Variants in GJC2 observed in about 807,000 individuals in gnomAD.
GJC2 encodes gap junction protein gamma 2.
For missense variants in GJC2, 647 were observed against 648.9 expected (o/e 1.00, Z 0.03); for synonymous variants, 336 against 307.5 (o/e 1.09, Z -0.97).
rs1043922910 is a variant in GJC2, at chr1:228,150,655, C to T, written c.-20+648C>T. On this transcript the variant is annotated intron_variant, in intron 1 of 1. Coordinates refer to ENST00000366714, the MANE Select transcript of GJC2 (RefSeq NM_020435.4). The surrounding 1 kb of genome is among the most constrained non-coding windows in gnomAD (Gnocchi z 4.6). The stretch of plus-strand genomic sequence containing the variant: ...GGCCCTCAGTGCAAGGAAGGGGCGG[C>T]GTGGCTGAGGAGGGGGAGGCCCACA... Among the ~76,000 whole-genome samples, 6 of 152,032 alleles carry T rather than the reference C, an allele frequency of 3.9e-5. No individual in the cohort carries two copies. In the South Asian group the frequency reaches 1.0e-3, roughly 26 times the overall value.
chr1:228,151,390 G>T lies in GJC2; in HGVS notation c.-20+1383G>T, dbSNP rs1020323193. Reference sequence around the variant, plus strand: ...TCAGGAGCTGTGGCAGGCCATGTAAGGGGAGCCACCATGTGGGCAGGCACT... The same window carrying T: ...TCAGGAGCTGTGGCAGGCCATGTAATGGGAGCCACCATGTGGGCAGGCACT... On this transcript the variant is annotated intron_variant, in intron 1 of 1. Coordinates refer to ENST00000366714, the MANE Select transcript of GJC2 (RefSeq NM_020435.4). The surrounding 1 kb of genome is among the most constrained non-coding windows in gnomAD (Gnocchi z 5.4). Among the ~76,000 whole-genome samples, 10 of 152,052 alleles carry T rather than the reference G, an allele frequency of 6.6e-5. No homozygotes were observed. The highest frequency in any genetic ancestry group is 4.1e-4 in the South Asian group (2 of 4,826).
rs1324227613 is a variant in GJC2, at chr1:228,151,599, G to T, written c.-20+1592G>T. 2.6e-5 allele frequency among the ~76,000 whole-genome samples: 4 copies of T among 152,078 alleles called. No individual in the cohort carries two copies. Among genetic ancestry groups the T allele is most frequent in the South Asian group, 4.1e-4 (2 of 4,822 alleles). The stretch of plus-strand genomic sequence containing the variant: ...GTGGCAGTGTGCACTGCTTGTGTGT[G>T]GGGGGGTGGAGGGAGGAGCGTGCCC... On this transcript the variant is annotated intron_variant, in intron 1 of 1. Transcript: ENST00000366714. This position sits in a 1 kb window ranked among gnomAD's most constrained non-coding sequence, Gnocchi z 5.4.
rs1553262430 is a variant in GJC2, at chr1:228,157,841, T to C, written c.83T>C (p.Leu28Pro). ...NHSTFVGKVWLTVLVVFRIVL... is the reference protein window; with the variant it reads ...NHSTFVGKVWPTVLVVFRIVL... ...TCCACCTTCGTGGGCAAGGTGTGGC[T>C]CACGGTGCTGGTGGTCTTCCGCATC... The change falls in exon 2 of 2, where the codon CTC (leucine) becomes CCC (proline). Residue 28 changes from leucine to proline, a missense_variant. Coordinates refer to ENST00000366714, the MANE Select transcript of GJC2 (RefSeq NM_020435.4). 1 of 1,597,354 alleles carries C rather than the reference T, an allele frequency of 6.3e-7. No homozygotes were observed. Among genetic ancestry groups the C allele is most frequent in the Non-Finnish European group, 8.5e-7 (1 of 1,172,242 alleles).
At position 228,158,467 on chromosome 1, in the gene GJC2, T is replaced by G. The variant is rs2034719630; in HGVS notation, c.709T>G (p.Phe237Val). 6.2e-7 allele frequency: 1 copy of G among 1,611,734 alleles called. No homozygotes were observed. Among genetic ancestry groups the G allele is most frequent in the Non-Finnish European group, 8.5e-7 (1 of 1,179,582 alleles). Reference protein sequence around the residue: ...FLVGQYLLYGFEVRPFFPCSR... With the variant: ...FLVGQYLLYGVEVRPFFPCSR... ...GGTGGGCCAGTACCTGCTGTACGGC[T>G]TCGAGGTGCGACCGTTCTTTCCCTG... Residue 237 changes from phenylalanine (F) to valine (V), a missense_variant, in exon 2 of 2, where the codon TTC becomes GTC. Transcript: ENST00000366714. The surrounding 1 kb of genome is among the most constrained non-coding windows in gnomAD (Gnocchi z 8.3).
intron 1 of GJC2, 148 bp from the exon 2 acceptor site, chr1:228,157,592 C>A (rs1321796061): frequency 3.3e-6 from 2 of 606,900 alleles, no homozygotes; most frequent in East Asian, 5.5e-5. Flanking sequence ...CAGGTGGGGG[C>A]TTCCACTTCC....
chr1:228,152,077 A>T lies in GJC2; in HGVS notation c.-20+2070A>T, dbSNP rs1044970708. On this transcript the variant is annotated intron_variant, in intron 1 of 1. Coordinates refer to ENST00000366714, the MANE Select transcript of GJC2 (RefSeq NM_020435.4). The surrounding 1 kb of genome is among the most constrained non-coding windows in gnomAD (Gnocchi z 7.3). ...AGGGCCCTGCAGTGGAGTGCAGGGG[A>T]AGGAGGGGACTGTGCCTGCAGGAGC... 1.3e-5 allele frequency among the ~76,000 whole-genome samples: 2 copies of T among 151,956 alleles called. No individual in the cohort carries two copies. The highest frequency in any genetic ancestry group is 4.8e-5 in the African/African-American group (2 of 41,352).
Position 228,159,169 on chromosome 1 carries a change from G to A in GJC2, c.*91G>A. 1 of 1,457,472 alleles carries A rather than the reference G, an allele frequency of 6.9e-7. No homozygotes were observed. Among genetic ancestry groups the A allele is most frequent in the Non-Finnish European group, 9.4e-7 (1 of 1,058,298 alleles). The allele number at this position is 1,457,472 out of a possible 1,614,324, so 90.3% of individuals were successfully genotyped here. ...CCCCTTCTCCTCAGCCTTCTCCTTAGCCGGTGGCCTCAGGCAGACTCTGCC... is the reference window on the plus strand; with the variant it reads ...CCCCTTCTCCTCAGCCTTCTCCTTAACCGGTGGCCTCAGGCAGACTCTGCC... On this transcript the variant is annotated 3_prime_UTR_variant, in exon 2 of 2. Transcript: ENST00000366714. This position sits in a 1 kb window ranked among gnomAD's most constrained non-coding sequence, Gnocchi z 4.0.
Position 228,158,235 on chromosome 1 carries a change from G to C in GJC2, c.477G>C (p.Thr159=), listed in dbSNP as rs780785721. 2.0e-6 allele frequency: 3 copies of C among 1,506,704 alleles called. No homozygotes were observed. The highest frequency in any genetic ancestry group is 2.5e-5 in the East Asian group (1 of 40,206). 93.3% of individuals were successfully genotyped at this position (1,506,704 alleles called of 1,614,324 possible). A position where few individuals can be genotyped will look rare whatever the true frequency, so the allele number is the denominator to read the frequency against. The change falls in exon 2 of 2, where the codon ACG becomes ACC. Residue 159 remains threonine (T), a synonymous_variant. Coordinates refer to ENST00000366714, the MANE Select transcript of GJC2 (RefSeq NM_020435.4). The surrounding 1 kb of genome is among the most constrained non-coding windows in gnomAD (Gnocchi z 8.3). The part of the protein sequence containing the change: ...GLGEEEEEEE[T]GAAEGAGEEA... ...GCGAGGAGGAGGAGGAGGAGGAGACGGGGGCAGCCGAGGGCGCCGGCGAGG... is the reference window on the plus strand; with the variant it reads ...GCGAGGAGGAGGAGGAGGAGGAGACCGGGGCAGCCGAGGGCGCCGGCGAGG...
In GJC2 at chr1:228,158,517, G is replaced by T; in HGVS notation, c.759G>T (p.Val253=). 6.2e-7 allele frequency: 1 copy of T among 1,612,924 alleles called. No homozygotes were observed. The highest frequency in any genetic ancestry group is 8.5e-7 in the Non-Finnish European group (1 of 1,179,658). ...FPCSRQPCPH[V]VDCFVSRPTE... Reference sequence around the variant, plus strand: ...GCAGCCGCCAGCCCTGCCCGCACGTGGTGGACTGCTTCGTGTCGCGCCCTA... The same window carrying T: ...GCAGCCGCCAGCCCTGCCCGCACGTTGTGGACTGCTTCGTGTCGCGCCCTA... Residue 253 remains valine (V), a synonymous_variant, in exon 2 of 2, where the codon GTG becomes GTT. Transcript: ENST00000366714. The surrounding 1 kb of genome is among the most constrained non-coding windows in gnomAD (Gnocchi z 8.3).
At position 228,158,642 on chromosome 1, in the gene GJC2, A is replaced by C; in HGVS notation, c.884A>C (p.Gln295Pro). 6.2e-7 allele frequency: 1 copy of C among 1,602,286 alleles called. No individual in the cohort carries two copies. Among genetic ancestry groups the C allele is most frequent in the Non-Finnish European group, 8.5e-7 (1 of 1,175,354 alleles). ...GCCCACCTGGGCTTGGGCAGCGCGC[A>C]GGACGCGGTGCGCGGCCGCCGCGGC... ...EMAHLGLGSAQDAVRGRRGPP... is the reference protein window; with the variant it reads ...EMAHLGLGSAPDAVRGRRGPP... Residue 295 changes from glutamine (Q) to proline (P), a missense_variant, in exon 2 of 2, where the codon CAG becomes CCG. Transcript: ENST00000366714. This position sits in a 1 kb window ranked among gnomAD's most constrained non-coding sequence, Gnocchi z 8.3.
chr1:228,153,656 C>A (rs1465887313), intron 1 of GJC2, among the ~76,000 whole-genome samples: 4 of 147,416 alleles, frequency 2.7e-5, no homozygotes, highest in Non-Finnish European at 5.9e-5. Flanking sequence ...AATCTCGGCT[C>A]ACTGCAACCT....
intron 1 of GJC2, among the ~76,000 whole-genome samples, chr1:228,155,171 CTG>C (rs1251068892): frequency 6.6e-6 from 1 of 152,182 alleles, no homozygotes; most frequent in East Asian, 1.9e-4. Flanking sequence ...AGGGCTGAAC[CTG>C]TGTGTGTGCG....
At position 228,151,500 on chromosome 1, in the gene GJC2, G is replaced by C. The variant is rs1464648388; in HGVS notation, c.-20+1493G>C. ...ACGTGGTGAGGTTGAGTCTGAATAG[G>C]GAGGGTTCATGGCTATGTGTGAGAG... is the stretch of plus-strand genomic sequence containing the variant. On this transcript the variant is annotated intron_variant, in intron 1 of 1. Coordinates refer to ENST00000366714, the MANE Select transcript of GJC2 (RefSeq NM_020435.4). This position sits in a 1 kb window ranked among gnomAD's most constrained non-coding sequence, Gnocchi z 5.4. Among the ~76,000 whole-genome samples, 5 of 152,120 alleles carry C rather than the reference G, an allele frequency of 3.3e-5. No homozygotes were observed.
chr1:228,153,718 G>A (rs2034647617), intron 1 of GJC2, among the ~76,000 whole-genome samples: 1 of 151,374 alleles, frequency 6.6e-6, no homozygotes, highest in Non-Finnish European at 1.5e-5. Context: ...GAGTAGCTGG[G>A]ACTACAGGCA....
intron 1 of GJC2, among the ~76,000 whole-genome samples, chr1:228,156,408 T>TGTGCGTGTTCATGCATGTGCAC (rs1365120302): frequency 3.9e-5 from 6 of 152,346 alleles, no homozygotes; most frequent in Admixed American, 3.3e-4. Flanking sequence ...TGCATATGCA[T>TGTGCGTGTTCATGCATGTGCAC]GTGCGTGTTC....
intron 1 of GJC2, among the ~76,000 whole-genome samples, chr1:228,153,876 C>T (rs998530892): frequency 2.0e-5 from 3 of 151,674 alleles, no homozygotes; most frequent in African/African-American, 4.8e-5. Context: ...CCACCGTGCC[C>T]GGCTTAAGAC....
chr1:228,153,957 G>A (rs541496391), intron 1 of GJC2, among the ~76,000 whole-genome samples: 18 of 152,256 alleles, frequency 1.2e-4, no homozygotes, highest in Non-Finnish European at 1.8e-4. Flanking sequence ...AGCTACTCAG[G>A]AGGCCAAGGT....
chr1:228,157,741 A>AGACCCCCCC lies in GJC2; in HGVS notation c.-18_-17insGACCCCCCC. The AGACCCCCCC allele has an allele frequency of 2.8e-6, 1 of 354,470 alleles. No individual in the cohort carries two copies. The highest frequency in any genetic ancestry group is 5.6e-6 in the Non-Finnish European group (1 of 177,092). The allele number at this position is 354,470 out of a possible 1,614,324, so 22.0% of individuals were successfully genotyped here. On this transcript the variant is annotated splice_region_variant and 5_prime_UTR_variant, in exon 2 of 2. Transcript: ENST00000366714. ...GCTGACCCCTACCCCGCCCCACAGG[A>AGACCCCCCC]CCCGCCCGCCCGCCCCTATGACCAA...
chr1:228,158,962 ACT>A lies in GJC2; in HGVS notation c.1205_1206del (p.Thr402SerfsTer89), dbSNP rs2034732787. 3.2e-6 allele frequency: 5 copies of A among 1,585,652 alleles called. No homozygotes were observed. The highest frequency in any genetic ancestry group is 4.3e-6 in the Non-Finnish European group (5 of 1,168,064). On this transcript the variant is annotated frameshift_variant, in exon 2 of 2. Coordinates refer to ENST00000366714, the MANE Select transcript of GJC2 (RefSeq NM_020435.4). LOFTEE classifies it low-confidence loss of function (END_TRUNC). This position sits in a 1 kb window ranked among gnomAD's most constrained non-coding sequence, Gnocchi z 8.3. ...SRTGSATSAG[T>X]VGEQGRPGTH... ...GACGGGCAGTGCTACCTCTGCGGGC[ACT>A]GTCGGGGAGCAGGGCCGGCCCGGCA...
Sources: gnomAD v4.1 joint callset for allele counts (sites outside exome capture counted in the v4.1 genomes callset) on GRCh38, gnomAD v4.1.1 for gene constraint, Gnocchi (gnomAD v3.1) non-coding constraint, MANE v1.5 for transcripts, NCBI Gene and HGNC (gene_info 2026-07-23, HGNC 2026-07-21) for gene names.